MCC: variants seen among roughly 807,000 people sequenced by gnomAD.
MCC encodes MCC regulator of Wnt signaling pathway, also known as colorectal mutant cancer protein.
In MCC, 90 loss-of-function variants were observed where a neutral mutation model predicts 116.2. That is an observed-to-expected ratio of 0.77 (90% CI 0.65 to 0.92). The LOEUF is 0.92. MCC is among the 40% of genes least tolerant of loss of function. The pLI is 0.00. For synonymous variants in MCC, 578 were observed against 510.5 expected, an observed-to-expected ratio of 1.13 and a Z score of -1.78; for missense variants, 1,516 against 1,312.2, an observed-to-expected ratio of 1.16 and a Z score of -2.40.
chr5:113,269,474 T>C (rs962836321), intron 3 of MCC, among the ~76,000 whole-genome samples: 1 of 152,208 alleles, frequency 6.6e-6, no homozygotes, highest in East Asian at 1.9e-4. Flanking sequence ...AAACAAATGA[T>C]TAAATTGTGG....
At chr5:113,273,014 A>G (rs1164950152) in intron 3 of MCC, among the ~76,000 whole-genome samples, 1 of 152,242 alleles carries the variant, frequency 6.6e-6, no homozygotes, top group East Asian at 1.9e-4. Context: ...AGTTTAAAGA[A>G]GTTACTGTTA....
At chr5:113,470,471 G>A (rs1271410131) in intron 1 of MCC, among the ~76,000 whole-genome samples, 2 of 151,876 alleles carry the variant, frequency 1.3e-5, no homozygotes, top group Non-Finnish European at 2.9e-5. Context: ...GAAATTCTGG[G>A]TTGAAAATTC....
At chr5:113,461,260 T>TA (rs1376715084) in intron 1 of MCC, among the ~76,000 whole-genome samples, 6 of 151,990 alleles carry the variant, frequency 3.9e-5, no homozygotes, top group Admixed American at 6.6e-5. Context: ...GACCCTGACT[T>TA]AAAAAAACAA....
chr5:113,183,672 A>G (rs1323557112), intron 3 of MCC, among the ~76,000 whole-genome samples: 1 of 152,194 alleles, frequency 6.6e-6, no homozygotes, highest in Non-Finnish European at 1.5e-5. Context: ...AGAGTTGGGC[A>G]TCTGGAGAAG....
intron 3 of MCC, among the ~76,000 whole-genome samples, chr5:113,285,887 T>A (rs1766236336): frequency 6.6e-6 from 1 of 152,216 alleles, no homozygotes; most frequent in African/African-American, 2.4e-5. Context: ...TGACTGAATA[T>A]GTGAACGGTT....
intron 2 of MCC, among the ~76,000 whole-genome samples, chr5:113,377,300 A>C (rs576698650): frequency 2.7e-4 from 41 of 152,150 alleles, no homozygotes; most frequent in Non-Finnish European, 5.4e-4. Flanking sequence ...GAGGGGTTGT[A>C]TAGGGGTCAT....
chr5:113,292,481 T>A (rs1409257122), intron 3 of MCC, among the ~76,000 whole-genome samples: 1 of 152,172 alleles, frequency 6.6e-6, no homozygotes, highest in African/African-American at 2.4e-5. Context: ...ACTGCTCAAA[T>A]AGTTTTCCAG....
chr5:113,452,200 G>A (rs1240666543), intron 1 of MCC, among the ~76,000 whole-genome samples: 2 of 152,152 alleles, frequency 1.3e-5, no homozygotes, highest in Non-Finnish European at 2.9e-5. Flanking sequence ...GCCTTCTATT[G>A]GTCAAGGTAG....
At chr5:113,483,755 C>A (rs762131028) in intron 1 of MCC, among the ~76,000 whole-genome samples, 6 of 152,050 alleles carry the variant, frequency 3.9e-5, no homozygotes, top group Non-Finnish European at 7.4e-5. Flanking sequence ...ATGTTCACTG[C>A]AGCACTGTTC....
intron 2 of MCC, among the ~76,000 whole-genome samples, chr5:113,346,723 G>C (rs542032306): frequency 5.3e-5 from 8 of 152,082 alleles, no homozygotes; most frequent in Non-Finnish European, 1.2e-4. Context: ...GTATAAGAAG[G>C]TTATAGAACA....
intron 2 of MCC, among the ~76,000 whole-genome samples, chr5:113,384,408 G>A (rs912806578): frequency 6.6e-6 from 1 of 152,156 alleles, no homozygotes; most frequent in African/African-American, 2.4e-5. Context: ...CTAATACGGT[G>A]AAACCCCGTC....
chr5:113,049,658 G>A (rs1752358098), intron 15 of MCC, among the ~76,000 whole-genome samples: 1 of 152,218 alleles, frequency 6.6e-6, no homozygotes, highest in African/African-American at 2.4e-5. Context: ...GTCTGCAGAG[G>A]CTGAGCTGCA....
chr5:113,174,146 T>C (rs1761206954), intron 3 of MCC, among the ~76,000 whole-genome samples: 2 of 152,120 alleles, frequency 1.3e-5, no homozygotes, highest in African/African-American at 4.8e-5. Context: ...CTAGACCCAA[T>C]GCTAAGAGAG....
At position 113,082,921 on chromosome 5, in the gene MCC, C is replaced by T. The variant is rs369310896; in HGVS notation, c.1723G>A (p.Gly575Arg). 9.9e-6 allele frequency: 16 copies of T among 1,614,012 alleles called. No homozygotes were observed. The highest frequency in any genetic ancestry group is 6.6e-5 in the South Asian group (6 of 91,082). Residue 575 changes from glycine to arginine, a missense_variant, in exon 11 of 19, where the codon GGA becomes AGA. Gly to Arg is a moderately radical substitution (Grantham distance 125). Coordinates refer to ENST00000408903, the MANE Select transcript of MCC (RefSeq NM_001085377.2). ...QEIFQTLYSH[G>R]SAISESKIRE... ...ATCTTGCTTTCTGAGATGGCAGATC[C>T]GTGTGAGTAGAGTGTTTGGAAAATC...
intron 3 of MCC, among the ~76,000 whole-genome samples, chr5:113,154,507 G>A (rs1447523625): frequency 1.3e-5 from 2 of 152,172 alleles, no homozygotes; most frequent in African/African-American, 4.8e-5. Context: ...TTTGAGTGCT[G>A]GACACTCAAT....
chr5:113,433,910 G>C, intron 1 of MCC: 1 of 1,614,012 alleles, frequency 6.2e-7, no homozygotes, highest in Non-Finnish European at 8.5e-7. Context: ...GCTCCAGCTT[G>C]GTGGCAGACT....
At chr5:113,437,897 C>G (rs1770908911) in intron 1 of MCC, among the ~76,000 whole-genome samples, 1 of 152,076 alleles carries the variant, frequency 6.6e-6, no homozygotes, top group South Asian at 2.1e-4. Context: ...GTAAAGGGCT[C>G]CAGCTCCCTG....
chr5:113,251,858 T>C (rs1764816987), intron 3 of MCC, among the ~76,000 whole-genome samples: 1 of 152,126 alleles, frequency 6.6e-6, no homozygotes, highest in South Asian at 2.1e-4. Flanking sequence ...CAAAAATTAC[T>C]TCAGATTGTT....
intron 3 of MCC, among the ~76,000 whole-genome samples, chr5:113,199,496 G>A (rs186442181): frequency 1.3e-5 from 2 of 152,304 alleles, no homozygotes; most frequent in Admixed American, 1.3e-4. Context: ...TTGTATGAGT[G>A]TATTTTTTCT....
Sources: allele counts gnomAD v4.1 joint callset (sites outside exome capture counted in the v4.1 genomes callset), GRCh38; gene constraint gnomAD v4.1.1; transcripts MANE v1.5; gene names NCBI Gene and HGNC (gene_info 2026-07-23, HGNC 2026-07-21).